MBD5: variants seen among roughly 807,000 people sequenced by gnomAD.
MBD5 encodes the protein methyl-CpG-binding domain protein 5.
MBD5 carries 13 observed loss-of-function variants against 117.3 expected under a neutral mutation model. The observed-to-expected ratio is 0.11, with a 90% CI of 0.07 to 0.18. The LOEUF (loss-of-function observed/expected upper bound fraction) is 0.18. MBD5 is among the 10% of genes least tolerant of loss of function. The pLI is 1.00. For missense variants in MBD5, 1,879 were observed against 2,093.8 expected (o/e 0.90, Z 2.00); for synonymous variants, 727 against 766.4 (o/e 0.95, Z 0.85).
At chr2:148,120,592 T>G (rs1696747508) in intron 1 of MBD5, among the ~76,000 whole-genome samples, 1 of 152,216 alleles carries the variant, frequency 6.6e-6, no homozygotes, top group Non-Finnish European at 1.5e-5. Flanking sequence ...TGTTTATTGC[T>G]AGTGTGTTGA....
Position 148,021,280 on chromosome 2 carries a change from AG to A in MBD5, c.-1324del. Reference sequence around the variant, plus strand: ...CCACCCTCCAGCCCTGAGCCCTGAGAGGGGGATTGAGCCTGAGAGAGGAGAA... The same window carrying A: ...CCACCCTCCAGCCCTGAGCCCTGAGAGGGGATTGAGCCTGAGAGAGGAGAA... On this transcript the variant is annotated 5_prime_UTR_variant, in exon 1 of 14. Coordinates refer to ENST00000642680, the MANE Select transcript of MBD5 (RefSeq NM_001378120.1). 2.8e-6 allele frequency: 1 copy of A among 356,744 alleles called. No individual in the cohort carries two copies. Among genetic ancestry groups the A allele is most frequent in the South Asian group, 2.3e-5 (1 of 44,054 alleles). 22.1% of individuals were successfully genotyped at this position (356,744 alleles called of 1,614,324 possible). A position where few individuals can be genotyped will look rare whatever the true frequency, so the allele number is the denominator to read the frequency against.
chr2:148,077,837 G>T (rs983536271), intron 1 of MBD5, among the ~76,000 whole-genome samples: 1 of 152,082 alleles, frequency 6.6e-6, no homozygotes, highest in African/African-American at 2.4e-5. Context: ...GGAAGGAAAT[G>T]ATGCCTTGAA....
chr2:148,083,369 C>T (rs915886356), intron 1 of MBD5, among the ~76,000 whole-genome samples: 3 of 152,026 alleles, frequency 2.0e-5, no homozygotes, highest in Admixed American at 6.6e-5. Context: ...TACAGTTTAG[C>T]GTTATTTATT....
intron 1 of MBD5, among the ~76,000 whole-genome samples, chr2:148,058,866 A>C (rs559379242): frequency 6.6e-6 from 1 of 152,310 alleles, no homozygotes; most frequent in African/African-American, 2.4e-5. Context: ...TAAACATGGC[A>C]TTCCAGAAGA....
At chr2:148,372,455 T>C (rs1703879992) in intron 4 of MBD5, among the ~76,000 whole-genome samples, 2 of 152,066 alleles carry the variant, frequency 1.3e-5, no homozygotes, top group South Asian at 4.1e-4. Context: ...AATATGTGTT[T>C]ATTAATGAAA....
At chr2:148,220,998 T>A (rs1270238861) in intron 2 of MBD5, among the ~76,000 whole-genome samples, 1 of 152,142 alleles carries the variant, frequency 6.6e-6, no homozygotes, top group Non-Finnish European at 1.5e-5. Flanking sequence ...TCAATAGTTT[T>A]GATTTTTAGA....
At chr2:148,080,723 A>G (rs1558917279) in intron 1 of MBD5, among the ~76,000 whole-genome samples, 2 of 152,312 alleles carry the variant, frequency 1.3e-5, no homozygotes, top group Non-Finnish European at 2.9e-5. Flanking sequence ...AGTGAAAAAT[A>G]CATAACATAC....
At chr2:148,451,081 T>G (rs892967013) in intron 4 of MBD5, among the ~76,000 whole-genome samples, 14 of 152,186 alleles carry the variant, frequency 9.2e-5, no homozygotes, top group African/African-American at 3.4e-4. Context: ...GTCAAGGACA[T>G]CTGAAGCTAG....
chr2:148,090,312 T>TAG (rs1289537015), intron 1 of MBD5, among the ~76,000 whole-genome samples: 1 of 151,916 alleles, frequency 6.6e-6, no homozygotes, highest in Non-Finnish European at 1.5e-5. Flanking sequence ...AAGATAAAGA[T>TAG]AGAGAGAATC....
chr2:148,333,793 G>T (rs955559892), intron 3 of MBD5, among the ~76,000 whole-genome samples: 1 of 152,012 alleles, frequency 6.6e-6, no homozygotes, highest in African/African-American at 2.4e-5. Context: ...AGGAGGTGGA[G>T]GTTGCAGTGA....
chr2:148,241,274 G>A (rs1700211140), intron 3 of MBD5, among the ~76,000 whole-genome samples: 1 of 151,872 alleles, frequency 6.6e-6, no homozygotes, highest in African/African-American at 2.4e-5. Flanking sequence ...GTTAGAGAGT[G>A]GATCTATTTT....
At chr2:148,266,999 C>T (rs967975628) in intron 3 of MBD5, among the ~76,000 whole-genome samples, 1 of 152,000 alleles carries the variant, frequency 6.6e-6, no homozygotes, top group Non-Finnish European at 1.5e-5. Context: ...TGGGATACAG[C>T]AAAGAATGAA....
rs117343771 is a variant in MBD5 at position 148,395,312 on chromosome 2, T to A, written c.-557+52976T>A. ...AACATGGCTCATTACTGCTGCACCA[T>A]CCTTTGTTTTTACACCACTACCCTT... is the stretch of plus-strand genomic sequence containing the variant. On this transcript the variant is annotated intron_variant, in intron 4 of 13. Coordinates refer to ENST00000642680, the MANE Select transcript of MBD5 (RefSeq NM_001378120.1). Among the ~76,000 whole-genome samples, 412 of 152,272 alleles carry A rather than the reference T, an allele frequency of 2.7e-3. 7 individuals are homozygous for A. The East Asian group carries it at 0.044, about 16-fold the overall frequency.
intron 1 of MBD5, among the ~76,000 whole-genome samples, chr2:148,110,714 CTCTCA>C (rs1166595090): frequency 6.6e-6 from 1 of 151,670 alleles, no homozygotes; most frequent in African/African-American, 2.4e-5. Flanking sequence ...CGTTTTTTAG[CTCTCA>C]TCTTATTTGG....
Position 148,513,042 on chromosome 2 carries a change from C to T in MBD5, c.*101C>T. ...AGCCACAGTTATATCAATATTTAGACTATGGCAGATAGCTACCACCACCAC... is the reference window on the plus strand; with the variant it reads ...AGCCACAGTTATATCAATATTTAGATTATGGCAGATAGCTACCACCACCAC... On this transcript the variant is annotated 3_prime_UTR_variant, in exon 14 of 14. Coordinates refer to ENST00000642680, the MANE Select transcript of MBD5 (RefSeq NM_001378120.1). 3.4e-6 allele frequency: 4 copies of T among 1,188,090 alleles called. No homozygotes were observed. The highest frequency in any genetic ancestry group is 5.0e-6 in the Non-Finnish European group (4 of 804,008). 73.6% of individuals were successfully genotyped at this position (1,188,090 alleles called of 1,614,324 possible).
intron 1 of MBD5, among the ~76,000 whole-genome samples, chr2:148,107,915 T>A (rs540946478): frequency 4.6e-5 from 7 of 152,318 alleles, no homozygotes; most frequent in Admixed American, 3.3e-4. Context: ...TTCTGTTAGA[T>A]GCCTGAGAAC....
chr2:148,204,335 A>G (rs1354848808), intron 2 of MBD5, among the ~76,000 whole-genome samples: 4 of 152,208 alleles, frequency 2.6e-5, no homozygotes, highest in Non-Finnish European at 4.4e-5. Flanking sequence ...AAGAAAAAAA[A>G]GATTAGAAAT....
At chr2:148,363,440 A>C (rs1703600910) in intron 4 of MBD5, among the ~76,000 whole-genome samples, 1 of 152,002 alleles carries the variant, frequency 6.6e-6, no homozygotes, top group Admixed American at 6.6e-5. Flanking sequence ...TCGCTGTGTT[A>C]GCCAGGATGG....
chr2:148,414,153 T>G (rs1375766161), intron 4 of MBD5, among the ~76,000 whole-genome samples: 1 of 152,168 alleles, frequency 6.6e-6, no homozygotes, highest in African/African-American at 2.4e-5. Context: ...CCCCAGAGAT[T>G]CTGGTATGTT....
Sources: gnomAD v4.1 joint callset for allele counts (sites outside exome capture counted in the v4.1 genomes callset) on GRCh38, gnomAD v4.1.1 for gene constraint, MANE v1.5 for transcripts, NCBI Gene and HGNC (gene_info 2026-07-23, HGNC 2026-07-21) for gene names.